Variants in ARID2 observed in about 807,000 individuals in gnomAD.
ARID2 encodes the protein AT-rich interaction domain 2, also known as AT-rich interactive domain-containing protein 2.
ARID2 carries 32 observed loss-of-function variants against 184.6 expected under a neutral mutation model. The ratio of observed to expected loss-of-function variants is 0.17; its 90% confidence interval spans 0.13 to 0.23. The LOEUF (loss-of-function observed/expected upper bound fraction) is 0.23, where lower values mean the gene tolerates loss of function less well. Among genes scored for constraint, ARID2 ranks in the 10% least tolerant of loss-of-function variants. ARID2 has a pLI of 1.00. For missense variants in ARID2, 1,696 were observed against 2,197.6 expected, an observed-to-expected ratio of 0.77 and a Z score of 4.56; for synonymous variants, 836 against 772.6, an observed-to-expected ratio of 1.08 and a Z score of -1.36.
chr12:45,740,687 T>G (rs1345795327), intron 3 of ARID2, among the ~76,000 whole-genome samples: 1 of 152,206 alleles, frequency 6.6e-6, no homozygotes, highest in Non-Finnish European at 1.5e-5. Context: ...TTTTAACAGT[T>G]GTCCTAAAGA....
intron 6 of ARID2, among the ~76,000 whole-genome samples, chr12:45,836,144 T>C (rs1943217444): frequency 6.6e-6 from 1 of 152,234 alleles, no homozygotes; most frequent in African/African-American, 2.4e-5. Context: ...AATGTAGCAA[T>C]ATCCACATGA....
intron 3 of ARID2, among the ~76,000 whole-genome samples, chr12:45,750,202 G>A (rs574640801): frequency 1.9e-3 from 282 of 152,228 alleles, no homozygotes; most frequent in Non-Finnish European, 3.0e-3. Context: ...CAATATAGTT[G>A]TGTCTCAGGG....
chr12:45,748,602 T>C (rs1941402458), intron 3 of ARID2, among the ~76,000 whole-genome samples: 1 of 152,174 alleles, frequency 6.6e-6, no homozygotes, highest in Non-Finnish European at 1.5e-5. Flanking sequence ...CAACTCTTTC[T>C]TTCACGAGAG....
chr12:45,766,403 A>AGTT (rs1429657975), intron 3 of ARID2, among the ~76,000 whole-genome samples: 1 of 151,976 alleles, frequency 6.6e-6, no homozygotes, highest in Non-Finnish European at 1.5e-5. Context: ...CCTGACCTCA[A>AGTT]GTGATCTGCC....
chr12:45,800,412 A>C (rs184654166), intron 3 of ARID2, among the ~76,000 whole-genome samples: 122 of 152,284 alleles, frequency 8.0e-4, no homozygotes, highest in African/African-American at 2.7e-3. Flanking sequence ...CAGATTTCTC[A>C]GTACTGGAGA....
rs1235352086 is a variant in ARID2, at chr12:45,837,634, C to T, written c.1257C>T (p.Leu419=). The stretch of plus-strand genomic sequence containing the variant: ...ATGTGCTGCTTGTAATCTCAACACT[C>T]GAGGTGCTATACATGCTCACGGAAA... ...LPDVLLVIST[L]EVLYMLTEMG... The change falls in exon 10 of 21, where the codon CTC becomes CTT. Residue 419 remains leucine (L), a synonymous_variant. Transcript: ENST00000334344. 13 of 1,613,906 alleles carry T rather than the reference C, an allele frequency of 8.1e-6. No individual in the cohort carries two copies. The highest frequency in any genetic ancestry group is 2.7e-5 in the African/African-American group (2 of 74,912).
At chr12:45,860,164 T>C (rs991524970) in intron 15 of ARID2, among the ~76,000 whole-genome samples, 2 of 152,200 alleles carry the variant, frequency 1.3e-5, no homozygotes, top group African/African-American at 4.8e-5. Flanking sequence ...GAGATTATAG[T>C]GAGCTATGAT....
At chr12:45,827,144 A>G (rs1322181659) in intron 6 of ARID2, among the ~76,000 whole-genome samples, 2 of 151,946 alleles carry the variant, frequency 1.3e-5, no homozygotes, top group African/African-American at 4.8e-5. Flanking sequence ...CAAATTTGCA[A>G]GTCAAAGAGT....
chr12:45,813,960 G>A (rs1003171911), intron 4 of ARID2, among the ~76,000 whole-genome samples: 2 of 151,744 alleles, frequency 1.3e-5, no homozygotes, highest in African/African-American at 4.8e-5. Context: ...GTATTGATTG[G>A]ATATAATCAT....
At chr12:45,745,322 G>C (rs984200538) in intron 3 of ARID2, among the ~76,000 whole-genome samples, 1 of 152,114 alleles carries the variant, frequency 6.6e-6, no homozygotes, top group African/African-American at 2.4e-5. Context: ...TAAGAAGATG[G>C]TCTAGCCCTC....
rs532243726 is a variant in ARID2 at position 45,907,877 on chromosome 12, C to T, written c.*2799C>T. On this transcript the variant is annotated 3_prime_UTR_variant, in exon 21 of 21. Coordinates refer to ENST00000334344, the MANE Select transcript of ARID2 (RefSeq NM_152641.4). ...AGTAACAAAATTGATAATCATATAG[C>T]GAAGGCATATTTTTCTTCCAAGCTC... 376 of 231,526 alleles carry T rather than the reference C, an allele frequency of 1.6e-3. 1 individual carries two copies. The highest frequency in any genetic ancestry group is 9.3e-3 in the South Asian group (51 of 5,508). 14.3% of individuals were successfully genotyped at this position (231,526 alleles called of 1,614,324 possible). A position where few individuals can be genotyped will look rare whatever the true frequency, so the allele number is the denominator to read the frequency against.
intron 3 of ARID2, among the ~76,000 whole-genome samples, chr12:45,774,005 A>G (rs1452501255): frequency 6.6e-6 from 1 of 152,056 alleles, no homozygotes; most frequent in Non-Finnish European, 1.5e-5. Flanking sequence ...CTTTTTTTTC[A>G]TATATAGTAG....
intron 3 of ARID2, among the ~76,000 whole-genome samples, chr12:45,780,508 A>G: frequency 6.6e-6 from 1 of 152,292 alleles, no homozygotes; most frequent in Admixed American, 6.5e-5. Context: ...TACATGTTGG[A>G]ATTAATGATA....
At chr12:45,760,487 G>C (rs147088293) in intron 3 of ARID2, among the ~76,000 whole-genome samples, 4 of 151,764 alleles carry the variant, frequency 2.6e-5, no homozygotes, top group African/African-American at 9.7e-5. Flanking sequence ...TTTTTTCTGC[G>C]TGTGTGTTTT....
At chr12:45,814,793 T>C (rs1843355399) in intron 4 of ARID2, among the ~76,000 whole-genome samples, 2 of 152,196 alleles carry the variant, frequency 1.3e-5, no homozygotes, top group African/African-American at 4.8e-5. Flanking sequence ...TACCAAGGAA[T>C]TTTTAATTCG....
chr12:45,733,605 A>G (rs1397971576), intron 3 of ARID2, among the ~76,000 whole-genome samples: 1 of 152,210 alleles, frequency 6.6e-6, no homozygotes, highest in Non-Finnish European at 1.5e-5. Context: ...CCTCCTTTAC[A>G]AGTTTAATAT....
chr12:45,904,488 C>T lies in ARID2; in HGVS notation c.5364-446C>T, dbSNP rs1316388138. 20 of 536,988 alleles carry T rather than the reference C, an allele frequency of 3.7e-5. No individual in the cohort carries two copies. The East Asian group carries it at 5.5e-4, about 15-fold the overall frequency. The allele number at this position is 536,988 out of a possible 1,614,324, so 33.3% of individuals were successfully genotyped here. A position where few individuals can be genotyped will look rare whatever the true frequency, so the allele number is the denominator to read the frequency against. On this transcript the variant is annotated intron_variant, in intron 20 of 20. Transcript: ENST00000334344. ...CGGGTGGATCACAAGGTCAAGAGATCGAGACCGTCCTGGCCAACATGGTGA... is the reference window on the plus strand; with the variant it reads ...CGGGTGGATCACAAGGTCAAGAGATTGAGACCGTCCTGGCCAACATGGTGA...
At chr12:45,900,007 G>T (rs1320017409) in intron 20 of ARID2, among the ~76,000 whole-genome samples, 1 of 151,714 alleles carries the variant, frequency 6.6e-6, no homozygotes, top group Non-Finnish European at 1.5e-5. Context: ...ATCAGATATT[G>T]TTGGATTGTT....
intron 3 of ARID2, among the ~76,000 whole-genome samples, chr12:45,739,775 A>C (rs1941214499): frequency 6.6e-6 from 1 of 152,226 alleles, no homozygotes; most frequent in Non-Finnish European, 1.5e-5. Flanking sequence ...TTAAATAAAT[A>C]AAATGTTAAT....
Sources: allele counts gnomAD v4.1 joint callset (sites outside exome capture counted in the v4.1 genomes callset), GRCh38; gene constraint gnomAD v4.1.1; transcripts MANE v1.5; gene names NCBI Gene and HGNC (gene_info 2026-07-23, HGNC 2026-07-21).